GBA2: variants seen among roughly 807,000 people sequenced by gnomAD.
The protein encoded by GBA2 is glucosylceramidase beta 2, also known as non-lysosomal glucosylceramidase.
In GBA2, 79 loss-of-function variants were observed where a neutral mutation model predicts 112.9. That is an observed-to-expected ratio of 0.70 (90% CI 0.58 to 0.84). GBA2 has a LOEUF of 0.84. GBA2 is among the 40% of genes least tolerant of loss of function. GBA2 has a pLI of 0.00. For synonymous variants in GBA2, 403 were observed against 434.3 expected (o/e 0.93, Z 0.90); for missense variants, 1,043 against 1,190.0 (o/e 0.88, Z 1.82).
chr9:35,737,921 C>T lies in GBA2; in HGVS notation c.2332G>A (p.Val778Met). Residue 778 changes from valine (V) to methionine (M), a missense_variant, in exon 16 of 17, where the codon GTG (valine) becomes ATG (methionine). By Grantham distance (21) the Val-to-Met change is conservative. Coordinates refer to ENST00000378103, the MANE Select transcript of GBA2 (RefSeq NM_020944.3). The surrounding 1 kb of genome is among the most constrained non-coding windows in gnomAD (Gnocchi z 4.1). The part of the protein sequence containing the change: ...GDTEVFPTQH[V>M]VRALQTIFEL... The stretch of plus-strand genomic sequence containing the variant: ...AAGATAGTTTGGAGAGCACGGACCA[C>T]ATGTTGGGTAGGAAACACCTGGAGG... 6.2e-7 allele frequency: 1 copy of T among 1,611,616 alleles called. No homozygotes were observed. Among genetic ancestry groups the T allele is most frequent in the Non-Finnish European group, 8.5e-7 (1 of 1,179,180 alleles).
chr9:35,744,113 T>C (rs569592373), intron 3 of GBA2, among the ~76,000 whole-genome samples, 184 bp downstream of exon 3: 1 of 152,288 alleles, frequency 6.6e-6, no homozygotes, highest in South Asian at 2.1e-4. Context: ...GAATGTGTGC[T>C]TGTGTGTGTC....
Position 35,740,659 on chromosome 9 carries a change from G to C in GBA2, c.1027-31C>G. On this transcript the variant is annotated intron_variant, in intron 5 of 16. Transcript: ENST00000378103. The surrounding 1 kb of genome is among the most constrained non-coding windows in gnomAD (Gnocchi z 4.7). ...AAGGGGTCAGGGACTGTGAGGGCAG[G>C]CTCCACGAGTACACTGGGTCCCGGC... 6.4e-7 allele frequency: 1 copy of C among 1,561,482 alleles called. No individual in the cohort carries two copies. Among genetic ancestry groups the C allele is most frequent in the Non-Finnish European group, 8.8e-7 (1 of 1,132,614 alleles).
rs189620581 is a variant in GBA2, at chr9:35,746,212, A to G, written c.360-1506T>C. 8.5e-5 allele frequency among the ~76,000 whole-genome samples: 13 copies of G among 152,324 alleles called. 1 individual carries two copies. In the East Asian group the frequency reaches 1.3e-3, roughly 16 times the overall value. On this transcript the variant is annotated intron_variant, in intron 1 of 16. Transcript: ENST00000378103. This position sits in a 1 kb window ranked among gnomAD's most constrained non-coding sequence, Gnocchi z 5.2. ...GTCTGCAGTCAATGCATATTTGCCA[A>G]TTTTACAGATGAATGAACATACAAA...
intron 1 of GBA2, among the ~76,000 whole-genome samples, chr9:35,747,124 C>G (rs1827007463): frequency 6.6e-6 from 1 of 152,114 alleles, no homozygotes. Flanking sequence ...CATCCTATTC[C>G]AAAAGCCTTG....
In GBA2 at chr9:35,741,113, A is replaced by T. The variant is rs766005188; in HGVS notation, c.787-49T>A. The T allele has an allele frequency of 1.2e-6, 2 of 1,603,642 alleles. No individual in the cohort carries two copies. Among genetic ancestry groups the T allele is most frequent in the South Asian group, 1.1e-5 (1 of 90,266 alleles). ...GACGGTCCCAGTAGAGCGCCTCCTG[A>T]CCCCACTCTGCTAGGATCAGTCCTG... is the stretch of plus-strand genomic sequence containing the variant. On this transcript the variant is annotated intron_variant, in intron 4 of 16. Transcript: ENST00000378103. This position sits in a 1 kb window ranked among gnomAD's most constrained non-coding sequence, Gnocchi z 4.6.
chr9:35,741,953 C>T lies in GBA2; in HGVS notation c.568-63G>A, dbSNP rs1826717574. 6.5e-6 allele frequency: 7 copies of T among 1,083,288 alleles called. No homozygotes were observed. The highest frequency in any genetic ancestry group is 9.8e-6 in the Non-Finnish European group (7 of 711,886). The allele number at this position is 1,083,288 out of a possible 1,614,324, so 67.1% of individuals were successfully genotyped here. On this transcript the variant is annotated intron_variant, in intron 3 of 16. Coordinates refer to ENST00000378103, the MANE Select transcript of GBA2 (RefSeq NM_020944.3). This position sits in a 1 kb window ranked among gnomAD's most constrained non-coding sequence, Gnocchi z 4.6. Reference sequence around the variant, plus strand: ...AGGGACCACAGACTAAGTCTTCCCTCTCCTCAAATCAGCTCCTCCCCTTTC... The same window carrying T: ...AGGGACCACAGACTAAGTCTTCCCTTTCCTCAAATCAGCTCCTCCCCTTTC...
In GBA2 at chr9:35,739,790, C is replaced by T. The variant is rs147443644; in HGVS notation, c.1420G>A (p.Ala474Thr). The T allele has an allele frequency of 3.1e-4, 497 of 1,613,868 alleles. 1 individual carries two copies. In the African/African-American group the frequency reaches 3.4e-3, roughly 11 times the overall value. ...SPVLDDRSLP[A>T]WYKSALFNEL... ...TTGAACAGCGCAGATTTGTACCAGG[C>T]AGGCAGTGATCTGGGAAGCGAGGAG... Residue 474 changes from alanine (A) to threonine (T), a missense_variant, in exon 9 of 17, where the codon GCC becomes ACC. Physicochemically the swap from Ala to Thr is moderately conservative, Grantham distance 58. Coordinates refer to ENST00000378103, the MANE Select transcript of GBA2 (RefSeq NM_020944.3).
At chr9:35,743,657 G>A (rs574872950) in intron 3 of GBA2, among the ~76,000 whole-genome samples, 4 of 152,256 alleles carry the variant, frequency 2.6e-5, no homozygotes, top group Middle Eastern at 3.4e-3. Flanking sequence ...CTAAAGGGGC[G>A]GTCAACTAGA....
In GBA2 at chr9:35,737,918, C is replaced by T. The variant is rs772886623; in HGVS notation, c.2335G>A (p.Val779Ile). Residue 779 changes from valine (V) to isoleucine (I), a missense_variant, in exon 16 of 17, where the codon GTC becomes ATC. Transcript: ENST00000378103. This position sits in a 1 kb window ranked among gnomAD's most constrained non-coding sequence, Gnocchi z 4.1. ...DTEVFPTQHV[V>I]RALQTIFELN... ...TCAAAGATAGTTTGGAGAGCACGGA[C>T]CACATGTTGGGTAGGAAACACCTGG... is the stretch of plus-strand genomic sequence containing the variant. The T allele has an allele frequency of 1.9e-6, 3 of 1,612,010 alleles. No homozygotes were observed. Among genetic ancestry groups the T allele is most frequent in the South Asian group, 1.1e-5 (1 of 91,080 alleles).
chr9:35,737,787 C>T lies in GBA2; in HGVS notation c.2466G>A (p.Val822=), dbSNP rs940141611. The T allele has an allele frequency of 3.7e-6, 6 of 1,613,968 alleles. No individual in the cohort carries two copies. Among genetic ancestry groups the T allele is most frequent in the Non-Finnish European group, 5.1e-6 (6 of 1,179,996 alleles). The change falls in exon 16 of 17, where the codon GTG becomes GTA. Residue 822 remains valine (V), a synonymous_variant. Coordinates refer to ENST00000378103, the MANE Select transcript of GBA2 (RefSeq NM_020944.3). The surrounding 1 kb of genome is among the most constrained non-coding windows in gnomAD (Gnocchi z 4.1). Reference sequence around the variant, plus strand: ...TAGCTGCCAGCCCGTAGACCACACCCACCCAGACTTCATCAGACTGCACAC... The same window carrying T: ...TAGCTGCCAGCCCGTAGACCACACCTACCCAGACTTCATCAGACTGCACAC... ...KSSVQSDEVW[V]GVVYGLAATM...
At chr9:35,742,069 T>C (rs1297381521) in intron 3 of GBA2, 179 bp from the exon 4 acceptor site, 5 of 629,042 alleles carry the variant, frequency 7.9e-6, no homozygotes, top group Non-Finnish European at 8.7e-6. Context: ...CCCATCCATC[T>C]ATCTCCCAAG....
intron 1 of GBA2, among the ~76,000 whole-genome samples, 189 bp from the exon 2 acceptor site, chr9:35,744,895 G>T (rs1008384448): frequency 1.3e-5 from 2 of 152,138 alleles, no homozygotes; most frequent in Non-Finnish European, 1.5e-5. Flanking sequence ...CTGAAGTGAA[G>T]GAGTGGCTTT....
At position 35,737,575 on chromosome 9, in the gene GBA2, G is replaced by T; in HGVS notation, c.2506-128C>A. 5.1e-6 allele frequency: 8 copies of T among 1,557,026 alleles called. No homozygotes were observed. The highest frequency in any genetic ancestry group is 7.0e-6 in the Non-Finnish European group (8 of 1,148,706). On this transcript the variant is annotated intron_variant, in intron 16 of 16. Coordinates refer to ENST00000378103, the MANE Select transcript of GBA2 (RefSeq NM_020944.3). The surrounding 1 kb of genome is among the most constrained non-coding windows in gnomAD (Gnocchi z 4.1). ...CCCAGCAAGTGGAGGAGATAACTATGACCCACAGACAGAAGCCTGAAGGCA... is the reference window on the plus strand; with the variant it reads ...CCCAGCAAGTGGAGGAGATAACTATTACCCACAGACAGAAGCCTGAAGGCA...
In GBA2 at chr9:35,746,597, AAAT is replaced by A. The variant is rs796843409; in HGVS notation, c.359+1746_359+1748del. ...CAAGAGCAAGACTGTCTCAAAAAAA[AAAT>A]AATAATAAAATAAAAAGGGACAGCA... On this transcript the variant is annotated intron_variant, in intron 1 of 16. Transcript: ENST00000378103. This position sits in a 1 kb window ranked among gnomAD's most constrained non-coding sequence, Gnocchi z 5.2. 9.2e-5 allele frequency among the ~76,000 whole-genome samples: 14 copies of A among 152,262 alleles called. No homozygotes were observed. Among genetic ancestry groups the A allele is most frequent in the African/African-American group, 7.2e-5 (3 of 41,516 alleles).
chr9:35,738,186 G>A, intron 14 of GBA2, 34 bp from the exon 15 acceptor site: 1 of 1,612,738 alleles, frequency 6.2e-7, no homozygotes, highest in Non-Finnish European at 8.5e-7. Context: ...AAGGCTCCTG[G>A]TGTCCTCTCA....
At chr9:35,743,457 A>G (rs1826812557) in intron 3 of GBA2, 1 of 153,404 alleles carries the variant, frequency 6.5e-6, no homozygotes, top group Non-Finnish European at 1.5e-5. Flanking sequence ...TAGAGTCACA[A>G]TTCTGGAAGC....
Position 35,738,510 on chromosome 9 carries a change from ACCC to A in GBA2, c.2054+13_2054+15del. The A allele has an allele frequency of 6.2e-7, 1 of 1,602,322 alleles. No homozygotes were observed. Among genetic ancestry groups the A allele is most frequent in the Non-Finnish European group, 8.6e-7 (1 of 1,169,506 alleles). On this transcript the variant is annotated intron_variant, in intron 13 of 16. Coordinates refer to ENST00000378103, the MANE Select transcript of GBA2 (RefSeq NM_020944.3). ...GTTTCTCACCTCAGGCCTCCTGGAA[ACCC>A]CTACCCGCTAACCTGGGGCCTGTGG...
rs1826677082 is a variant in GBA2, at chr9:35,741,452, G to A, written c.786+220C>T. On this transcript the variant is annotated intron_variant, in intron 4 of 16. Coordinates refer to ENST00000378103, the MANE Select transcript of GBA2 (RefSeq NM_020944.3). The surrounding 1 kb of genome is among the most constrained non-coding windows in gnomAD (Gnocchi z 4.6). ...TGGGACTACAGGTGCCTGCCACAAC[G>A]CCCAGCTAATTTTTTTTTTTGTATT... 21 of 550,654 alleles carry A rather than the reference G, an allele frequency of 3.8e-5. No homozygotes were observed. The South Asian group carries it at 4.3e-4, about 11-fold the overall frequency. 34.1% of individuals were successfully genotyped at this position (550,654 alleles called of 1,614,324 possible). A position where few individuals can be genotyped will look rare whatever the true frequency, so the allele number is the denominator to read the frequency against.
intron 1 of GBA2, among the ~76,000 whole-genome samples, chr9:35,747,172 A>G (rs1372384296): frequency 6.6e-6 from 1 of 152,172 alleles, no homozygotes; most frequent in Non-Finnish European, 1.5e-5. Flanking sequence ...ATGGGGAGCC[A>G]GGGTCCAGGG....
Sources: allele counts gnomAD v4.1 joint callset (sites outside exome capture counted in the v4.1 genomes callset), GRCh38; gene constraint gnomAD v4.1.1; non-coding constraint Gnocchi (gnomAD v3.1); transcripts MANE v1.5; gene names NCBI Gene and HGNC (gene_info 2026-07-23, HGNC 2026-07-21).